The following GALNT18 variants were observed in gnomAD, a reference collection of about 807,000 sequenced individuals.
The protein encoded by GALNT18 is GalNAc-transferase 18.
In GALNT18, 44 loss-of-function variants were observed where a neutral mutation model predicts 69.5. The observed-to-expected ratio is 0.63, with a 90% CI of 0.50 to 0.81. GALNT18 has a LOEUF of 0.81. Ranked by LOEUF, GALNT18 falls within the 40% of genes least tolerant of loss-of-function variation. The pLI, the probability that GALNT18 is intolerant of heterozygous loss-of-function variation, is 0.00. For synonymous variants in GALNT18, 364 were observed against 318.2 expected (o/e 1.14, Z -1.53); for missense variants, 715 against 810.0 (o/e 0.88, Z 1.42).
intron 10 of GALNT18, among the ~76,000 whole-genome samples, chr11:11,275,459 G>T (rs979700850): frequency 6.6e-6 from 1 of 152,166 alleles, no homozygotes; most frequent in South Asian, 2.1e-4. Context: ...TGGACAGATT[G>T]CCAAAGTTTT....
chr11:11,392,089 C>T (rs943810670), intron 3 of GALNT18, among the ~76,000 whole-genome samples: 3 of 152,226 alleles, frequency 2.0e-5, no homozygotes, highest in Non-Finnish European at 4.4e-5. Flanking sequence ...TTCCTCTGCC[C>T]TTTGGCCCTG....
intron 2 of GALNT18, among the ~76,000 whole-genome samples, chr11:11,448,008 T>C (rs10765850): frequency 0.82 from 124,107 of 152,172 alleles, 50,753 homozygotes; most frequent in East Asian, 0.99. Flanking sequence ...GAGCCACAAA[T>C]AACCATACCC....
Position 11,546,865 on chromosome 11 carries a change from G to A in GALNT18, c.235+74494C>T, listed in dbSNP as rs1448752623. 6.6e-6 allele frequency among the ~76,000 whole-genome samples: 1 copy of A among 151,982 alleles called. No individual in the cohort carries two copies. The highest frequency in any genetic ancestry group is 1.5e-5 in the Non-Finnish European group (1 of 67,994). ...GTTGGGTGTGTGGGTGGGCAGATGA[G>A]TAAGTGGGTGGGAGATGTGTATGGA... is the stretch of plus-strand genomic sequence containing the variant. On this transcript the variant is annotated intron_variant, in intron 1 of 10. Transcript: ENST00000227756. The surrounding 1 kb of genome is among the most constrained non-coding windows in gnomAD (Gnocchi z 5.8).
chr11:11,497,327 A>AACACACACACACACACACACACAC lies in GALNT18; in HGVS notation c.236-48415_236-48392dup, dbSNP rs61001797. Among the ~76,000 whole-genome samples the AACACACACACACACACACACACAC allele has an allele frequency of 3.8e-4, 50 of 132,320 alleles. No individual in the cohort carries two copies. Among genetic ancestry groups the AACACACACACACACACACACACAC allele is most frequent in the East Asian group, 1.8e-3 (8 of 4,334 alleles). 86.8% of individuals were successfully genotyped at this position (132,320 alleles called of 152,430 possible). The stretch of plus-strand genomic sequence containing the variant: ...TATTTATGTTTTACCTCCTGTCTCC[A>AACACACACACACACACACACACAC]ACACACACACACACACACACACACA... On this transcript the variant is annotated intron_variant, in intron 1 of 10. Transcript: ENST00000227756. This position sits in a 1 kb window ranked among gnomAD's most constrained non-coding sequence, Gnocchi z 4.2.
rs576255402 is a variant in GALNT18, at chr11:11,482,108, A to G, written c.236-33172T>C. Among the ~76,000 whole-genome samples, 3 of 152,332 alleles carry G rather than the reference A, an allele frequency of 2.0e-5. No individual in the cohort carries two copies. The East Asian group carries it at 5.8e-4, about 29-fold the overall frequency. On this transcript the variant is annotated intron_variant, in intron 1 of 10. Coordinates refer to ENST00000227756, the MANE Select transcript of GALNT18 (RefSeq NM_198516.3). ...TCCTTGTCTCCCAGGGCTGAGGCCC[A>G]TAGCAGGAGCTTAACATGCAGCTCC...
intron 1 of GALNT18, among the ~76,000 whole-genome samples, chr11:11,489,779 A>G (rs4910363): frequency 0.71 from 108,330 of 152,080 alleles, 38,985 homozygotes; most frequent in Admixed American, 0.79. Context: ...TCCTTGTAGC[A>G]ACCCAATAAG....
intron 1 of GALNT18, among the ~76,000 whole-genome samples, chr11:11,478,879 G>T (rs1440215848): frequency 6.6e-6 from 1 of 152,202 alleles, no homozygotes; most frequent in Non-Finnish European, 1.5e-5. Context: ...AAGCCTAGGT[G>T]TTTCTGCCCC....
chr11:11,566,764 T>G (rs1858662600), intron 1 of GALNT18, among the ~76,000 whole-genome samples: 1 of 152,218 alleles, frequency 6.6e-6, no homozygotes, highest in Admixed American at 6.5e-5. Context: ...AATAGAAATT[T>G]GAGAAAATTC....
At position 11,387,566 on chromosome 11, in the gene GALNT18, T is replaced by G. The variant is rs150423785; in HGVS notation, c.596-8302A>C. Among the ~76,000 whole-genome samples the G allele has an allele frequency of 4.3e-4, 66 of 152,352 alleles. 1 individual carries two copies. In the East Asian group the frequency reaches 0.011, roughly 25 times the overall value. On this transcript the variant is annotated intron_variant, in intron 3 of 10. Coordinates refer to ENST00000227756, the MANE Select transcript of GALNT18 (RefSeq NM_198516.3). This position sits in a 1 kb window ranked among gnomAD's most constrained non-coding sequence, Gnocchi z 4.6. The stretch of plus-strand genomic sequence containing the variant: ...TCCAAGTGAAAAGTGGCTTGTCTTC[T>G]TCAGATCAGAAGATTAACTGGCTTT...
At position 11,465,613 on chromosome 11, in the gene GALNT18, TGCTGCTGGG is replaced by T. The variant is rs1856139184; in HGVS notation, c.236-16686_236-16678del. Among the ~76,000 whole-genome samples the T allele has an allele frequency of 6.6e-6, 1 of 152,110 alleles. No homozygotes were observed. Among genetic ancestry groups the T allele is most frequent in the African/African-American group, 2.4e-5 (1 of 41,426 alleles). On this transcript the variant is annotated intron_variant, in intron 1 of 10. Transcript: ENST00000227756. The surrounding 1 kb of genome is among the most constrained non-coding windows in gnomAD (Gnocchi z 5.7). ...GAGGCCTGGAGGTGACAAGCTTCTC[TGCTGCTGGG>T]GCTGATCAGGGGTAGAGAAATGGAG...
chr11:11,420,842 C>T (rs745658233), intron 3 of GALNT18, among the ~76,000 whole-genome samples: 3 of 152,150 alleles, frequency 2.0e-5, no homozygotes, highest in Non-Finnish European at 4.4e-5. Context: ...TCCTGATTTA[C>T]TCCCAACACT....
chr11:11,375,047 T>C (rs1368258841), intron 5 of GALNT18, among the ~76,000 whole-genome samples: 1 of 152,248 alleles, frequency 6.6e-6, no homozygotes, highest in Non-Finnish European at 1.5e-5. Flanking sequence ...ATTTTCTTAA[T>C]GGGGTCACCT....
chr11:11,386,423 T>A (rs55673936), intron 3 of GALNT18, among the ~76,000 whole-genome samples: 2 of 127,630 alleles, frequency 1.6e-5, no homozygotes, highest in Non-Finnish European at 3.8e-5. Flanking sequence ...CTGGGAAAGC[T>A]AAACTAAGAC....
intron 1 of GALNT18, among the ~76,000 whole-genome samples, chr11:11,504,301 A>G (rs2133903445): frequency 6.6e-6 from 1 of 152,318 alleles, no homozygotes. Flanking sequence ...GGAATTGCAG[A>G]GCAAAGTCCT....
At position 11,448,898 on chromosome 11, in the gene GALNT18, A is replaced by G; in HGVS notation, c.274T>C (p.Phe92Leu). The G allele has an allele frequency of 1.9e-6, 3 of 1,603,226 alleles. No homozygotes were observed. Among genetic ancestry groups the G allele is most frequent in the South Asian group, 2.2e-5 (2 of 89,046 alleles). The stretch of plus-strand genomic sequence containing the variant: ...TGTGCAAACAGAGAGGAGTCTGTGA[A>G]GGGCTCGGCCTCTGCCTCCTCAGGC... The part of the protein sequence containing the change: ...AKPEEAEAEP[F>L]TDSSLFAHWG... The change falls in exon 2 of 11, where the codon TTC (phenylalanine) becomes CTC (leucine). Residue 92 changes from phenylalanine (F) to leucine (L), a missense_variant. Coordinates refer to ENST00000227756, the MANE Select transcript of GALNT18 (RefSeq NM_198516.3).
Position 11,439,959 on chromosome 11 carries a change from G to A in GALNT18, c.429-7172C>T, listed in dbSNP as rs1050283928. On this transcript the variant is annotated intron_variant, in intron 2 of 10. Transcript: ENST00000227756. The surrounding 1 kb of genome is among the most constrained non-coding windows in gnomAD (Gnocchi z 4.4). ...TTGGCAAGACACTACATCTGTCCCAGATATGGAAGAGACAATGGACATCTG... is the reference window on the plus strand; with the variant it reads ...TTGGCAAGACACTACATCTGTCCCAAATATGGAAGAGACAATGGACATCTG... 4.6e-5 allele frequency among the ~76,000 whole-genome samples: 7 copies of A among 152,224 alleles called. No homozygotes were observed. The highest frequency in any genetic ancestry group is 1.7e-4 in the African/African-American group (7 of 41,450).
chr11:11,441,235 C>T (rs1204633409), intron 2 of GALNT18, among the ~76,000 whole-genome samples: 1 of 152,208 alleles, frequency 6.6e-6, no homozygotes, highest in Non-Finnish European at 1.5e-5. Context: ...TTAATATTAA[C>T]CAGAACCAGA....
intron 1 of GALNT18, among the ~76,000 whole-genome samples, chr11:11,581,438 T>C (rs1008889220): frequency 3.3e-5 from 5 of 152,184 alleles, no homozygotes; most frequent in African/African-American, 1.2e-4. Flanking sequence ...CCACCTGTAA[T>C]AGCTGCTGCA....
intron 3 of GALNT18, among the ~76,000 whole-genome samples, chr11:11,399,737 G>C (rs1385696292): frequency 6.6e-6 from 1 of 152,148 alleles, no homozygotes; most frequent in Non-Finnish European, 1.5e-5. Context: ...TATAAATTAG[G>C]AACAATAACA....
Sources: gnomAD v4.1 joint callset for allele counts (sites outside exome capture counted in the v4.1 genomes callset) on GRCh38, gnomAD v4.1.1 for gene constraint, Gnocchi (gnomAD v3.1) non-coding constraint, MANE v1.5 for transcripts, NCBI Gene and HGNC (gene_info 2026-07-23, HGNC 2026-07-21) for gene names.